Variants in ACBD6 observed in about 807,000 individuals in gnomAD.
ACBD6 encodes acyl-CoA-binding domain-containing protein 6.
In ACBD6, 28 loss-of-function variants were observed where a neutral mutation model predicts 37.2. The ratio of observed to expected loss-of-function variants is 0.75; its 90% CI spans 0.56 to 1.03. The LOEUF is 1.03. Ranked by LOEUF, ACBD6 falls within the 50% of genes least tolerant of loss-of-function variation. The probability of loss-of-function intolerance (pLI) is 0.00; values close to 1 mark genes in which losing one functional copy is unlikely to be tolerated. For missense variants in ACBD6, 340 were observed against 337.4 expected (o/e 1.01, Z -0.06); for synonymous variants, 113 against 126.8 (o/e 0.89, Z 0.73).
chr1:180,336,744 T>C (rs1432281943), intron 6 of ACBD6, among the ~76,000 whole-genome samples: 4 of 151,250 alleles, frequency 2.6e-5, no homozygotes, highest in Admixed American at 2.0e-4. Context: ...TGAAAAAAAA[T>C]TGATAGACTG....
chr1:180,495,873 ATTT>A lies in ACBD6; in HGVS notation c.223-351_223-349del, dbSNP rs1422903840. On this transcript the variant is annotated intron_variant, in intron 1 of 7. Coordinates refer to ENST00000367595, the MANE Select transcript of ACBD6 (RefSeq NM_032360.4). ...TTATTACCATGTATAAAGTAAAAGA[ATTT>A]TTAATATGAAATTAATAAGGTTTAG... is the stretch of plus-strand genomic sequence containing the variant. Among the ~76,000 whole-genome samples, 6 of 152,190 alleles carry A rather than the reference ATTT, an allele frequency of 3.9e-5. No individual in the cohort carries two copies. In the East Asian group the frequency reaches 5.8e-4, roughly 15 times the overall value.
chr1:180,435,038 C>G (rs1648966683), intron 3 of ACBD6: 4 of 947,926 alleles, frequency 4.2e-6, no homozygotes, highest in Non-Finnish European at 7.0e-6. Context: ...CACTAGGCAC[C>G]GAGATTACCG....
intron 4 of ACBD6, among the ~76,000 whole-genome samples, chr1:180,424,741 A>G (rs935415185): frequency 1.1e-4 from 16 of 152,224 alleles, no homozygotes; most frequent in Non-Finnish European, 7.3e-5. Context: ...AGAGAGAACA[A>G]AACTGGAAAA....
intron 6 of ACBD6, among the ~76,000 whole-genome samples, chr1:180,382,989 T>C (rs773177165): frequency 1.3e-5 from 2 of 152,132 alleles, no homozygotes; most frequent in Non-Finnish European, 2.9e-5. Flanking sequence ...TTTGATAGAA[T>C]TCAACATCTC....
intron 3 of ACBD6, among the ~76,000 whole-genome samples, chr1:180,452,232 G>A (rs1649735073): frequency 6.6e-6 from 1 of 152,106 alleles, no homozygotes; most frequent in Non-Finnish European, 1.5e-5. Flanking sequence ...AGCACTTTGG[G>A]AGGCTGACGT....
At chr1:180,423,250 G>A (rs1648446721) in intron 4 of ACBD6, among the ~76,000 whole-genome samples, 1 of 152,144 alleles carries the variant, frequency 6.6e-6, no homozygotes, top group African/African-American at 2.4e-5. Context: ...CAACGTATAA[G>A]TGGACCTATG....
chr1:180,411,677 G>A (rs1042934619), intron 5 of ACBD6, among the ~76,000 whole-genome samples: 1 of 152,026 alleles, frequency 6.6e-6, no homozygotes, highest in Admixed American at 6.6e-5. Context: ...TTGTTTGTTT[G>A]TTTTTTGAGA....
intron 6 of ACBD6, among the ~76,000 whole-genome samples, chr1:180,394,521 G>A (rs1162834155): frequency 1.3e-5 from 2 of 152,038 alleles, no homozygotes; most frequent in African/African-American, 4.8e-5. Context: ...TATTTTGAAT[G>A]AGTAGTGAAG....
intron 6 of ACBD6, among the ~76,000 whole-genome samples, chr1:180,376,059 A>C (rs573368319): frequency 6.6e-6 from 1 of 152,304 alleles, no homozygotes; most frequent in African/African-American, 2.4e-5. Context: ...CAGGATATAA[A>C]AATAGCCCTG....
intron 3 of ACBD6, among the ~76,000 whole-genome samples, chr1:180,482,101 T>C (rs899197818): frequency 2.2e-4 from 33 of 152,148 alleles, no homozygotes; most frequent in African/African-American, 7.7e-4. Flanking sequence ...AAGTCAAAGG[T>C]AAATTTTTGT....
rs1648748024 is a variant in ACBD6, at chr1:180,429,953, TG to T, written c.467+226del. Among the ~76,000 whole-genome samples, 12 of 152,270 alleles carry T rather than the reference TG, an allele frequency of 7.9e-5. No homozygotes were observed. In the South Asian group the frequency reaches 2.5e-3, roughly 32 times the overall value. ...TCTGGCACTGGTTCAGACATTTAAT[TG>T]ATTTTAAAGATTATACACCTAAAAA... On this transcript the variant is annotated intron_variant, in intron 4 of 7. Transcript: ENST00000367595.
At chr1:180,428,614 G>A (rs575256896) in intron 4 of ACBD6, among the ~76,000 whole-genome samples, 1 of 152,228 alleles carries the variant, frequency 6.6e-6, no homozygotes, top group African/African-American at 2.4e-5. Context: ...GTGTTCTGTA[G>A]GGCTGCTGTG....
intron 6 of ACBD6, among the ~76,000 whole-genome samples, chr1:180,373,442 T>C (rs1277339787): frequency 6.6e-6 from 1 of 152,226 alleles, no homozygotes; most frequent in Non-Finnish European, 1.5e-5. Context: ...AAAAGAGTAC[T>C]AGCCTTTACC....
At chr1:180,417,579 C>T (rs1356109076) in intron 4 of ACBD6, among the ~76,000 whole-genome samples, 1 of 152,200 alleles carries the variant, frequency 6.6e-6, no homozygotes, top group African/African-American at 2.4e-5. Flanking sequence ...AGGGACCCAG[C>T]ACTTCAATCA....
At chr1:180,361,476 T>G (rs1256793433) in intron 6 of ACBD6, among the ~76,000 whole-genome samples, 5 of 152,152 alleles carry the variant, frequency 3.3e-5, no homozygotes, top group Non-Finnish European at 7.4e-5. Flanking sequence ...TTATAGACAC[T>G]TTTTTAAAAG....
exon 9 of ACBD6, chr1:180,281,312 G>C (rs1394687155): frequency 2.0e-5 from 3 of 152,232 alleles, no homozygotes; most frequent in Non-Finnish European, 4.4e-5. Flanking sequence ...TCACTCAGGA[G>C]AACAAATGGA....
chr1:180,428,817 A>G (rs1248522085), intron 4 of ACBD6, among the ~76,000 whole-genome samples: 5 of 152,214 alleles, frequency 3.3e-5, no homozygotes, highest in African/African-American at 1.2e-4. Flanking sequence ...AAACTATCTC[A>G]ATTTATTTAT....
At chr1:180,402,408 C>T (rs972684051) in intron 5 of ACBD6, among the ~76,000 whole-genome samples, 2 of 152,190 alleles carry the variant, frequency 1.3e-5, no homozygotes, top group Admixed American at 6.5e-5. Flanking sequence ...ATGTGTGATA[C>T]ACACTTAAAA....
chr1:180,359,223 C>T (rs1458946898), intron 6 of ACBD6, among the ~76,000 whole-genome samples: 1 of 152,082 alleles, frequency 6.6e-6, no homozygotes, highest in African/African-American at 2.4e-5. Flanking sequence ...AAGCACAAAG[C>T]GACTGATAAC....
Sources: gnomAD v4.1 joint callset for allele counts (sites outside exome capture counted in the v4.1 genomes callset) on GRCh38, gnomAD v4.1.1 for gene constraint, MANE v1.5 for transcripts, NCBI Gene and HGNC (gene_info 2026-07-23, HGNC 2026-07-21) for gene names.